The following TMEM135 variants were observed in gnomAD, a reference collection of about 807,000 sequenced individuals.
TMEM135 encodes peroxisomal membrane protein 52.
A neutral mutation model predicts 60.3 loss-of-function variants in TMEM135; 30 were observed. The ratio of observed to expected loss-of-function variants is 0.50; its 90% CI spans 0.37 to 0.68. The LOEUF is 0.68. Among genes scored for constraint, TMEM135 ranks in the 30% least tolerant of loss-of-function variants. TMEM135 has a pLI of 0.00. For missense variants in TMEM135, 468 were observed against 548.8 expected (o/e 0.85, Z 1.47); for synonymous variants, 190 against 186.7 (o/e 1.02, Z -0.14).
chr11:87,138,684 A>G (rs1389467851), intron 4 of TMEM135, among the ~76,000 whole-genome samples: 5 of 152,206 alleles, frequency 3.3e-5, no homozygotes, highest in African/African-American at 1.2e-4. Flanking sequence ...TAGTTACTAT[A>G]TAGTATGATA....
At chr11:87,286,551 C>G (rs1295325980) in intron 6 of TMEM135, among the ~76,000 whole-genome samples, 1 of 152,194 alleles carries the variant, frequency 6.6e-6, no homozygotes, top group East Asian at 1.9e-4. Context: ...GTCGATGGGA[C>G]CGGGGGCCAC....
chr11:87,109,027 G>A (rs547180968), intron 4 of TMEM135, among the ~76,000 whole-genome samples: 102 of 152,274 alleles, frequency 6.7e-4, no homozygotes, highest in Middle Eastern at 3.4e-3. Flanking sequence ...TAGAAAGCAG[G>A]TATGTGGTGG....
At chr11:87,108,834 T>C (rs1857667327) in intron 4 of TMEM135, among the ~76,000 whole-genome samples, 1 of 152,168 alleles carries the variant, frequency 6.6e-6, no homozygotes, top group African/African-American at 2.4e-5. Context: ...TGCCAAAAAC[T>C]AGAAGTAATC....
chr11:87,251,730 C>T (rs191671742), intron 6 of TMEM135, among the ~76,000 whole-genome samples: 3 of 152,160 alleles, frequency 2.0e-5, no homozygotes, highest in East Asian at 1.9e-4. Context: ...CTGTGACTCA[C>T]TGATGGCTAA....
intron 4 of TMEM135, among the ~76,000 whole-genome samples, chr11:87,130,743 C>T (rs1315850111): frequency 6.6e-6 from 1 of 152,132 alleles, no homozygotes; most frequent in Non-Finnish European, 1.5e-5. Context: ...CTCAAGCGCT[C>T]TTCCTATCTT....
intron 6 of TMEM135, among the ~76,000 whole-genome samples, chr11:87,250,505 AT>A (rs750405738): frequency 1.3e-5 from 2 of 151,858 alleles, no homozygotes; most frequent in East Asian, 1.9e-4. Flanking sequence ...GTTTCAAGAA[AT>A]TTTTAAATTT....
intron 5 of TMEM135, among the ~76,000 whole-genome samples, chr11:87,211,850 A>G (rs564419315): frequency 3.9e-5 from 6 of 152,164 alleles, no homozygotes; most frequent in South Asian, 4.2e-4. Context: ...AGGTTGAGGC[A>G]GGAGAATGGC....
At chr11:87,290,026 G>A (rs1004402907) in intron 6 of TMEM135, among the ~76,000 whole-genome samples, 2 of 151,946 alleles carry the variant, frequency 1.3e-5, no homozygotes, top group Non-Finnish European at 2.9e-5. Flanking sequence ...CCCCTAGGAT[G>A]TATAGTTTGT....
chr11:87,232,008 G>C (rs1285411325), intron 5 of TMEM135, among the ~76,000 whole-genome samples: 5 of 151,248 alleles, frequency 3.3e-5, no homozygotes, highest in African/African-American at 1.2e-4. Flanking sequence ...CTGGAGTGCA[G>C]TGGTGCAATC....
intron 6 of TMEM135, among the ~76,000 whole-genome samples, chr11:87,280,476 G>A (rs1345376919): frequency 6.6e-6 from 1 of 152,072 alleles, no homozygotes; most frequent in African/African-American, 2.4e-5. Context: ...TCAGTTCTCA[G>A]AATATCCAGT....
chr11:87,269,623 A>G lies in TMEM135; in HGVS notation c.510-26159A>G, dbSNP rs1941825649. On this transcript the variant is annotated intron_variant, in intron 6 of 14. Transcript: ENST00000305494. ...TGGTTTTTTGTCCTTGCGATAGTTT[A>G]TGAGAAGGATGATTTCCAATTTCAT... Among the ~76,000 whole-genome samples, 4 of 150,612 alleles carry G rather than the reference A, an allele frequency of 2.7e-5. No individual in the cohort carries two copies. The South Asian group carries it at 8.3e-4, about 31-fold the overall frequency.
At chr11:87,088,515 T>C (rs1857142508) in intron 3 of TMEM135, among the ~76,000 whole-genome samples, 1 of 152,130 alleles carries the variant, frequency 6.6e-6, no homozygotes. Flanking sequence ...TGTAGATAGC[T>C]CAAGAGAAAA....
chr11:87,053,252 A>T (rs1195008409), intron 1 of TMEM135, among the ~76,000 whole-genome samples: 1 of 149,618 alleles, frequency 6.7e-6, no homozygotes, highest in Non-Finnish European at 1.5e-5. Flanking sequence ...GTGAGTTATG[A>T]CTTTGAGAAA....
chr11:87,256,665 G>A (rs1334598543), intron 6 of TMEM135, among the ~76,000 whole-genome samples: 1 of 151,982 alleles, frequency 6.6e-6, no homozygotes, highest in East Asian at 1.9e-4. Flanking sequence ...ATTTTTTGGG[G>A]GCAAAAACAT....
intron 10 of TMEM135, among the ~76,000 whole-genome samples, chr11:87,312,218 A>G (rs1942651487): frequency 8.1e-6 from 1 of 122,824 alleles, no homozygotes; most frequent in Non-Finnish European, 1.7e-5. Flanking sequence ...TGTGTATTTT[A>G]CTATGGCTCC....
chr11:87,203,032 CAAAAAAAAA>C (rs534909524), intron 5 of TMEM135, among the ~76,000 whole-genome samples: 5 of 33,566 alleles, frequency 1.5e-4, no homozygotes, highest in African/African-American at 3.5e-4. Context: ...GACTCCGTCT[CAAAAAAAAA>C]AAAAAAAAAA....
chr11:87,042,309 T>A (rs532456332), intron 1 of TMEM135, among the ~76,000 whole-genome samples: 2 of 152,342 alleles, frequency 1.3e-5, no homozygotes, highest in East Asian at 3.9e-4. Context: ...TCTTTTCTTT[T>A]GAGTATGGGG....
chr11:87,305,800 T>TAAAGAAAGAAAGAAAGAAAG lies in TMEM135; in HGVS notation c.699-133_699-132insGAAAGAAAGAAAGAAAGAAA, dbSNP rs1422541624. 1.5e-3 allele frequency: 560 copies of TAAAGAAAGAAAGAAAGAAAG among 385,830 alleles called. 1 individual carries two copies. Among genetic ancestry groups the TAAAGAAAGAAAGAAAGAAAG allele is most frequent in the African/African-American group, 0.011 (480 of 45,672 alleles). 23.9% of individuals were successfully genotyped at this position (385,830 alleles called of 1,614,324 possible). A position where few individuals can be genotyped will look rare whatever the true frequency, so the allele number is the denominator to read the frequency against. On this transcript the variant is annotated intron_variant, in intron 8 of 14. Coordinates refer to ENST00000305494, the MANE Select transcript of TMEM135 (RefSeq NM_022918.4). Reference sequence around the variant, plus strand: ...CAAAATAAATAAATAAATAAATAAATAAATAAAGTGATGTTTTCTTCTCTC... The same window carrying TAAAGAAAGAAAGAAAGAAAG: ...CAAAATAAATAAATAAATAAATAAATAAAGAAAGAAAGAAAGAAAGAAATAAAGTGATGTTTTCTTCTCTC...
rs201424298 is a variant in TMEM135 at position 87,318,119 on chromosome 11, C to G, written c.1078-18C>G. The G allele has an allele frequency of 1.8e-5, 29 of 1,598,008 alleles. No individual in the cohort carries two copies. The highest frequency in any genetic ancestry group is 1.7e-4 in the Admixed American group (10 of 59,918). On this transcript the variant is annotated intron_variant, in intron 12 of 14. Coordinates refer to ENST00000305494, the MANE Select transcript of TMEM135 (RefSeq NM_022918.4). ...GAGGTTTTTTCTTTATAACTCTTGT[C>G]TTATGCTTGTTTTGCAGACAATGTA...
Sources: gnomAD v4.1 joint callset for allele counts (sites outside exome capture counted in the v4.1 genomes callset) on GRCh38, gnomAD v4.1.1 for gene constraint, MANE v1.5 for transcripts, NCBI Gene and HGNC (gene_info 2026-07-23, HGNC 2026-07-21) for gene names.